The following ERC1 variants were observed in gnomAD, a reference collection of about 807,000 sequenced individuals.
The protein encoded by ERC1 is ELKS/RAB6-interacting/CAST family member 1.
A neutral mutation model predicts 132.0 loss-of-function variants in ERC1; 56 were observed. The observed-to-expected ratio is 0.42, with a 90% CI of 0.34 to 0.53. The LOEUF is 0.53. ERC1 is among the 20% of genes least tolerant of loss of function. The pLI, the probability that ERC1 is intolerant of heterozygous loss-of-function variation, is 0.03. For missense variants in ERC1, 1,202 were observed against 1,349.9 expected (o/e 0.89, Z 1.72); for synonymous variants, 478 against 476.1 (o/e 1.00, Z -0.05).
chr12:1,450,957 T>C (rs908174868), intron 18 of ERC1, among the ~76,000 whole-genome samples: 8 of 152,252 alleles, frequency 5.3e-5, no homozygotes, highest in Admixed American at 6.5e-5. Flanking sequence ...GTTTTTTCTT[T>C]GGAGAAATAT....
In ERC1 at chr12:1,046,046, G is replaced by T. The variant is rs569968785; in HGVS notation, c.669+17474G>T. ...CAGTAGAGTAATGATTCCCAGACTT[G>T]CATTTTGCACACTAGCAAAATAAAA... On this transcript the variant is annotated intron_variant, in intron 2 of 18. Coordinates refer to ENST00000360905, the MANE Select transcript of ERC1 (RefSeq NM_178040.4). Among the ~76,000 whole-genome samples the T allele has an allele frequency of 2.0e-5, 3 of 152,238 alleles. No homozygotes were observed. In the South Asian group the frequency reaches 6.2e-4, roughly 32 times the overall value.
At chr12:1,127,452 G>A (rs1948315865) in intron 7 of ERC1, among the ~76,000 whole-genome samples, 1 of 151,868 alleles carries the variant, frequency 6.6e-6, no homozygotes, top group South Asian at 2.1e-4. Flanking sequence ...CTGTACAAAA[G>A]TCAAAAGCAG....
intron 12 of ERC1, among the ~76,000 whole-genome samples, chr12:1,232,873 T>C (rs964064340): frequency 6.6e-6 from 1 of 151,890 alleles, no homozygotes; most frequent in Non-Finnish European, 1.5e-5. Context: ...GTTATATAAC[T>C]GTAAACCGAA....
intron 7 of ERC1, among the ~76,000 whole-genome samples, chr12:1,120,350 A>G (rs1457404849): frequency 6.6e-6 from 1 of 152,202 alleles, no homozygotes; most frequent in Non-Finnish European, 1.5e-5. Context: ...TACAGTTTAT[A>G]GCACTTTGAT....
At chr12:1,370,987 A>G (rs1302482241) in intron 15 of ERC1, among the ~76,000 whole-genome samples, 1 of 152,200 alleles carries the variant, frequency 6.6e-6, no homozygotes, top group Non-Finnish European at 1.5e-5. Flanking sequence ...TGCTGGGATT[A>G]CAGGCGCGAG....
intron 8 of ERC1, among the ~76,000 whole-genome samples, chr12:1,145,109 C>T (rs1036933604): frequency 4.6e-5 from 7 of 151,938 alleles, no homozygotes; most frequent in Non-Finnish European, 8.8e-5. Context: ...CTCCGTCTCC[C>T]GGGTTCAAGC....
chr12:1,486,343 T>G (rs1388363575), intron 18 of ERC1, among the ~76,000 whole-genome samples: 1 of 151,962 alleles, frequency 6.6e-6, no homozygotes, highest in East Asian at 1.9e-4. Flanking sequence ...GATGGTAATA[T>G]TCTAGGTGAT....
intron 16 of ERC1, among the ~76,000 whole-genome samples, chr12:1,379,116 T>A (rs7973379): frequency 2.0e-5 from 3 of 152,156 alleles, no homozygotes; most frequent in African/African-American, 7.2e-5. Context: ...TAAATTCCCA[T>A]AAATACATAA....
Position 1,311,705 on chromosome 12 carries a change from G to A in ERC1, c.2780+21693G>A, listed in dbSNP as rs193240341. 3.9e-5 allele frequency among the ~76,000 whole-genome samples: 6 copies of A among 152,244 alleles called. No homozygotes were observed. In the East Asian group the frequency reaches 9.6e-4, roughly 24 times the overall value. On this transcript the variant is annotated intron_variant, in intron 15 of 18. Transcript: ENST00000360905. ...GGTACCGATCCAGTTGGCATAAAAT[G>A]TGCAAGCACTATTCTATTGATTCCT... is the stretch of plus-strand genomic sequence containing the variant.
chr12:995,343 G>T (rs540016146), intron 1 of ERC1, among the ~76,000 whole-genome samples: 21 of 152,308 alleles, frequency 1.4e-4, no homozygotes, highest in African/African-American at 4.8e-4. Context: ...CTCTGACCAA[G>T]GTGAAATGGG....
chr12:1,111,295 T>C (rs932517642), intron 5 of ERC1, among the ~76,000 whole-genome samples: 8 of 152,230 alleles, frequency 5.3e-5, no homozygotes, highest in Admixed American at 5.2e-4. Flanking sequence ...ATCACAATTA[T>C]CAATTTACCA....
At chr12:1,140,151 T>C (rs1949733170) in intron 7 of ERC1, among the ~76,000 whole-genome samples, 1 of 152,160 alleles carries the variant, frequency 6.6e-6, no homozygotes, top group Non-Finnish European at 1.5e-5. Flanking sequence ...TTTATCTACA[T>C]GTTTTTCCTT....
intron 15 of ERC1, among the ~76,000 whole-genome samples, chr12:1,329,094 G>A (rs559168363): frequency 6.9e-6 from 1 of 145,780 alleles, no homozygotes; most frequent in Admixed American, 6.8e-5. Flanking sequence ...AGGATTTTGA[G>A]ACCAACCTGG....
chr12:1,462,062 G>T (rs1331640994), intron 18 of ERC1, among the ~76,000 whole-genome samples: 1 of 152,042 alleles, frequency 6.6e-6, no homozygotes, highest in Non-Finnish European at 1.5e-5. Flanking sequence ...TTTTAAATGG[G>T]CAGAAGACTT....
intron 1 of ERC1, among the ~76,000 whole-genome samples, chr12:1,020,244 A>G (rs1196176662): frequency 2.6e-5 from 4 of 152,126 alleles, no homozygotes; most frequent in Non-Finnish European, 4.4e-5. Flanking sequence ...ATCGCCTGAT[A>G]TCAGGAGTTT....
intron 16 of ERC1, among the ~76,000 whole-genome samples, chr12:1,400,953 T>TTTTTTTTTTTTTTTTTTG (rs1477365626): frequency 1.1e-5 from 1 of 90,272 alleles, no homozygotes; most frequent in Non-Finnish European, 2.4e-5. Flanking sequence ...TTTTTTTTTT[T>TTTTTTTTTTTTTTTTTTG]GTGACGGAGT....
intron 8 of ERC1, among the ~76,000 whole-genome samples, chr12:1,158,683 C>A (rs1951624335): frequency 6.6e-6 from 1 of 151,460 alleles, no homozygotes; most frequent in Non-Finnish European, 1.5e-5. Context: ...GAACTCCCGT[C>A]CTCAGGTGAT....
intron 14 of ERC1, among the ~76,000 whole-genome samples, chr12:1,265,669 A>G (rs989670233): frequency 1.3e-5 from 2 of 152,186 alleles, no homozygotes; most frequent in African/African-American, 4.8e-5. Context: ...CTGCCATTAC[A>G]GTATTATACA....
At chr12:1,415,672 C>T (rs1379077116) in intron 17 of ERC1, among the ~76,000 whole-genome samples, 1 of 152,170 alleles carries the variant, frequency 6.6e-6, no homozygotes, top group Admixed American at 6.5e-5. Context: ...CAGTGAATTG[C>T]ACTGCTTTCT....
Sources: gnomAD v4.1 joint callset for allele counts (sites outside exome capture counted in the v4.1 genomes callset) on GRCh38, gnomAD v4.1.1 for gene constraint, MANE v1.5 for transcripts, NCBI Gene and HGNC (gene_info 2026-07-23, HGNC 2026-07-21) for gene names.